The following TMEM108 variants were observed in gnomAD, a reference collection of about 807,000 sequenced individuals.
TMEM108 encodes transmembrane protein 108.
In TMEM108, 12 loss-of-function variants were observed where a neutral mutation model predicts 35.1. That is an observed-to-expected ratio of 0.34 (90% CI 0.22 to 0.55). The LOEUF (loss-of-function observed/expected upper bound fraction) is 0.55. Among genes scored for constraint, TMEM108 ranks in the 20% least tolerant of loss-of-function variants. TMEM108 has a pLI of 0.89. For missense variants in TMEM108, 680 were observed against 753.3 expected (o/e 0.90, Z 1.14); for synonymous variants, 287 against 308.6 (o/e 0.93, Z 0.73).
At chr3:133,067,384 G>A (rs1943622879) in intron 2 of TMEM108, among the ~76,000 whole-genome samples, 1 of 152,134 alleles carries the variant, frequency 6.6e-6, no homozygotes, top group African/African-American at 2.4e-5. Flanking sequence ...CACCAGAGAT[G>A]AGTTATATAT....
At chr3:133,249,236 GC>G (rs1946430675) in intron 3 of TMEM108, among the ~76,000 whole-genome samples, 1 of 152,208 alleles carries the variant, frequency 6.6e-6, no homozygotes, top group African/African-American at 2.4e-5. Flanking sequence ...TAATGGGACA[GC>G]CCCACTGTGT....
chr3:133,108,411 T>A (rs1305430648), intron 2 of TMEM108, among the ~76,000 whole-genome samples: 12 of 152,194 alleles, frequency 7.9e-5, no homozygotes, highest in Admixed American at 7.9e-4. Context: ...GCTGCATAAA[T>A]GTCTTCTTTT....
chr3:133,258,936 A>T (rs1448051912), intron 3 of TMEM108, among the ~76,000 whole-genome samples: 1 of 152,260 alleles, frequency 6.6e-6, no homozygotes, highest in African/African-American at 2.4e-5. Context: ...ATGATTTGAA[A>T]ATAATTGCTT....
At chr3:133,276,414 A>G (rs977418623) in intron 3 of TMEM108, among the ~76,000 whole-genome samples, 1 of 152,204 alleles carries the variant, frequency 6.6e-6, no homozygotes, top group Non-Finnish European at 1.5e-5. Context: ...TGATTCTAGA[A>G]TCCAAAAAAT....
intron 2 of TMEM108, among the ~76,000 whole-genome samples, chr3:133,103,235 A>G (rs1034336731): frequency 1.3e-5 from 2 of 152,248 alleles, no homozygotes; most frequent in African/African-American, 4.8e-5. Flanking sequence ...CATATACACC[A>G]TGGAATACTA....
intron 2 of TMEM108, among the ~76,000 whole-genome samples, chr3:133,047,942 G>T (rs191943562): frequency 6.6e-6 from 1 of 152,296 alleles, no homozygotes; most frequent in East Asian, 1.9e-4. Context: ...TTCTTGTGAT[G>T]GCACTAACTG....
intron 3 of TMEM108, among the ~76,000 whole-genome samples, chr3:133,367,061 A>C (rs2072521051): frequency 6.6e-6 from 1 of 152,140 alleles, no homozygotes; most frequent in South Asian, 2.1e-4. Context: ...CTTTCATTTA[A>C]CCCAAAACAA....
intron 2 of TMEM108, among the ~76,000 whole-genome samples, chr3:133,159,400 T>A (rs1352644171): frequency 6.6e-6 from 1 of 152,220 alleles, no homozygotes; most frequent in African/African-American, 2.4e-5. Context: ...TGGCTGCATT[T>A]ATCCATGCTC....
intron 2 of TMEM108, among the ~76,000 whole-genome samples, chr3:133,143,558 A>G (rs1391225240): frequency 6.6e-6 from 1 of 152,180 alleles, no homozygotes; most frequent in East Asian, 1.9e-4. Flanking sequence ...TTTGCCTTTT[A>G]TTATTGCCTT....
intron 2 of TMEM108, among the ~76,000 whole-genome samples, chr3:133,148,176 GC>G (rs1944748485): frequency 6.6e-6 from 1 of 152,128 alleles, no homozygotes; most frequent in African/African-American, 2.4e-5. Flanking sequence ...TGATAAAATA[GC>G]CCAGGGCTCC....
chr3:133,187,592 A>T (rs994988768), intron 2 of TMEM108, among the ~76,000 whole-genome samples: 1 of 152,224 alleles, frequency 6.6e-6, no homozygotes, highest in Non-Finnish European at 1.5e-5. Context: ...TCTACTAAAA[A>T]TACAAAAATT....
intron 3 of TMEM108, among the ~76,000 whole-genome samples, chr3:133,366,477 C>T (rs968888676): frequency 2.0e-5 from 3 of 152,210 alleles, no homozygotes; most frequent in African/African-American, 4.8e-5. Flanking sequence ...CAGGTTCCTC[C>T]AGCTTTCTTG....
intron 2 of TMEM108, among the ~76,000 whole-genome samples, chr3:133,181,029 A>AAAAAAAAAAAC (rs1945334796): frequency 1.4e-5 from 2 of 144,004 alleles, no homozygotes; most frequent in Admixed American, 6.8e-5. Context: ...AAAAAAAAAA[A>AAAAAAAAAAAC]AAAAAAAAAC....
chr3:133,192,186 T>A (rs1464220373), intron 2 of TMEM108, among the ~76,000 whole-genome samples: 1 of 152,216 alleles, frequency 6.6e-6, no homozygotes, highest in East Asian at 1.9e-4. Context: ...TATTTCCTAG[T>A]AAGATGTAGA....
At chr3:133,249,297 T>C (rs925946643) in intron 3 of TMEM108, among the ~76,000 whole-genome samples, 3 of 152,186 alleles carry the variant, frequency 2.0e-5, no homozygotes, top group African/African-American at 4.8e-5. Flanking sequence ...GGAAAACTAT[T>C]AGGCTGCATC....
intron 3 of TMEM108, among the ~76,000 whole-genome samples, chr3:133,307,509 A>C (rs1014431928): frequency 6.6e-6 from 1 of 152,148 alleles, no homozygotes; most frequent in Non-Finnish European, 1.5e-5. Context: ...TTTTAGGTCT[A>C]ACATTTAAGT....
intron 2 of TMEM108, among the ~76,000 whole-genome samples, chr3:133,214,589 C>T (rs780558822): frequency 1.3e-5 from 2 of 152,160 alleles, no homozygotes; most frequent in African/African-American, 2.4e-5. Flanking sequence ...GTTATCATCA[C>T]GCTTTGTCTC....
intron 2 of TMEM108, among the ~76,000 whole-genome samples, chr3:133,070,678 C>A (rs1374330416): frequency 6.6e-6 from 1 of 151,714 alleles, no homozygotes; most frequent in East Asian, 1.9e-4. Flanking sequence ...GGTAGGCGAC[C>A]CACAGAAAAA....
chr3:133,243,621 C>T (rs1270656630), intron 3 of TMEM108, among the ~76,000 whole-genome samples: 1 of 151,976 alleles, frequency 6.6e-6, no homozygotes, highest in Admixed American at 6.6e-5. Context: ...CCTGGGTTCA[C>T]GCCATTCTCC....
Sources: allele counts gnomAD v4.1 joint callset (sites outside exome capture counted in the v4.1 genomes callset), GRCh38; gene constraint gnomAD v4.1.1; transcripts MANE v1.5; gene names NCBI Gene and HGNC (gene_info 2026-07-23, HGNC 2026-07-21).